The following POGLUT2 variants were observed in gnomAD, a reference collection of about 807,000 sequenced individuals.
POGLUT2 encodes protein O-glucosyltransferase 2.
POGLUT2 carries 47 observed loss-of-function variants against 57.6 expected under a neutral mutation model. That is an observed-to-expected ratio of 0.82 (90% confidence interval 0.65 to 1.04). The LOEUF is 1.04. POGLUT2 is among the 50% of genes least tolerant of loss of function. The pLI is 0.00. For synonymous variants in POGLUT2, 200 were observed against 218.8 expected, an observed-to-expected ratio of 0.91 and a Z score of 0.76; for missense variants, 565 against 614.8, an observed-to-expected ratio of 0.92 and a Z score of 0.86.
intron 2 of POGLUT2, among the ~76,000 whole-genome samples, chr13:102,795,424 A>C (rs535388600): frequency 6.6e-6 from 1 of 151,984 alleles, no homozygotes; most frequent in African/African-American, 2.4e-5. Flanking sequence ...TTAGTGGGGC[A>C]TGGTGGTGAG....
At chr13:102,787,773 T>G (rs1878008513) in intron 8 of POGLUT2, 61 bp downstream of exon 8, 1 of 847,942 alleles carries the variant, frequency 1.2e-6, no homozygotes, top group African/African-American at 1.7e-5. Context: ...AAGTAAAATA[T>G]TATTTGTTCT....
chr13:102,788,543 A>T (rs1055151303), intron 7 of POGLUT2, among the ~76,000 whole-genome samples: 1 of 151,982 alleles, frequency 6.6e-6, no homozygotes, highest in Non-Finnish European at 1.5e-5. Flanking sequence ...CTGGAGTGCA[A>T]TGGTGTGGTC....
At chr13:102,795,636 A>AT (rs1219174875) in intron 2 of POGLUT2, among the ~76,000 whole-genome samples, 1 of 152,202 alleles carries the variant, frequency 6.6e-6, no homozygotes, top group Non-Finnish European at 1.5e-5. Context: ...TAACAAATTA[A>AT]TTACAGTCTG....
rs770678715 is a variant in POGLUT2, at chr13:102,797,443, T to G, written c.183-434A>C. Among the ~76,000 whole-genome samples the G allele has an allele frequency of 2.0e-4, 31 of 152,312 alleles. 1 individual carries two copies. The highest frequency in any genetic ancestry group is 1.6e-3 in the Admixed American group (25 of 15,302). ...ACAATATCAGTATTATAAATCACGC[T>G]CAGGCCTGGCACTGTGGCCCATGCC... On this transcript the variant is annotated intron_variant, in intron 1 of 9. Coordinates refer to ENST00000376004, the MANE Select transcript of POGLUT2 (RefSeq NM_024089.3).
In POGLUT2 at chr13:102,793,679, T is replaced by G. The variant is rs777133853; in HGVS notation, c.516A>C (p.Pro172=). 8 of 1,614,218 alleles carry G rather than the reference T, an allele frequency of 5.0e-6. No individual in the cohort carries two copies. Among genetic ancestry groups the G allele is most frequent in the Admixed American group, 1.7e-5 (1 of 60,032 alleles). ...TTGGGATTTCTACTGCAATCTTTTC[T>G]GGATCCACAGCAGGGAAATGTGCCA... ...RDLAHFPAVD[P]EKIAVEIPKR... is the part of the protein sequence containing the mutation. The change falls in exon 3 of 10, where the codon CCA becomes CCC. Residue 172 remains proline (P), a synonymous_variant. Transcript: ENST00000376004.
At chr13:102,797,501 G>A (rs1878457783) in intron 1 of POGLUT2, among the ~76,000 whole-genome samples, 1 of 152,038 alleles carries the variant, frequency 6.6e-6, no homozygotes, top group Non-Finnish European at 1.5e-5. Context: ...GCCAAGGAGG[G>A]AAGACTGCTT....
intron 6 of POGLUT2, among the ~76,000 whole-genome samples, chr13:102,790,497 C>G (rs1566436531): frequency 6.6e-6 from 1 of 152,348 alleles, no homozygotes; most frequent in South Asian, 2.1e-4. Flanking sequence ...TCACGTCATT[C>G]CCCACCAGAA....
At chr13:102,790,738 G>A (rs1044908050) in intron 6 of POGLUT2, among the ~76,000 whole-genome samples, 163 bp downstream of exon 6, 6 of 152,062 alleles carry the variant, frequency 3.9e-5, no homozygotes, top group Non-Finnish European at 8.8e-5. Context: ...GCAGACCCTG[G>A]TTGCCAAAAC....
At position 102,795,035 on chromosome 13, in the gene POGLUT2, C is replaced by T. The variant is rs573552479; in HGVS notation, c.389-1229G>A. Among the ~76,000 whole-genome samples, 190 of 150,172 alleles carry T rather than the reference C, an allele frequency of 1.3e-3. 2 individuals carry two copies. Among genetic ancestry groups the T allele is most frequent in the African/African-American group, 4.5e-3 (183 of 40,832 alleles). On this transcript the variant is annotated intron_variant, in intron 2 of 9. Transcript: ENST00000376004. ...TTGGGAGGCTGAGGCGGGCGGATCA[C>T]GAGGTCAGGAGATCGAGACCATCCT...
Position 102,793,761 on chromosome 13 carries a change from G to A in POGLUT2, c.434C>T (p.Ala145Val), listed in dbSNP as rs1315821856. 1 of 1,614,200 alleles carries A rather than the reference G, an allele frequency of 6.2e-7. No individual in the cohort carries two copies. The highest frequency in any genetic ancestry group is 2.2e-5 in the East Asian group (1 of 44,886). ...ENCDCPLQDSAAWLREMNCPE... is the reference protein window; with the variant it reads ...ENCDCPLQDSVAWLREMNCPE... ...GCAGTTCATCTCCCGTAGCCAGGCT[G>A]CACTATCTTGCAGAGGACAGTCACA... The change falls in exon 3 of 10, where the codon GCA (alanine) becomes GTA (valine). Residue 145 changes from alanine (A) to valine (V), a missense_variant. Physicochemically the swap from Ala to Val is moderately conservative, Grantham distance 64. Coordinates refer to ENST00000376004, the MANE Select transcript of POGLUT2 (RefSeq NM_024089.3).
chr13:102,797,565 AAATAAT>A (rs199683083), intron 1 of POGLUT2, among the ~76,000 whole-genome samples: 1 of 132,508 alleles, frequency 7.5e-6, no homozygotes, highest in Non-Finnish European at 1.6e-5. Flanking sequence ...CTGTCTCTAC[AAATAAT>A]AATAATAATA....
At chr13:102,793,848 A>C (rs1249876332) in intron 2 of POGLUT2, 42 bp from the exon 3 acceptor site, 1 of 1,544,738 alleles carries the variant, frequency 6.5e-7, no homozygotes. Flanking sequence ...TGATCATTTC[A>C]CTCAGCATTC....
At chr13:102,798,304 C>T (rs190610397) in intron 1 of POGLUT2, among the ~76,000 whole-genome samples, 185 bp downstream of exon 1, 18 of 152,188 alleles carry the variant, frequency 1.2e-4, no homozygotes, top group African/African-American at 4.1e-4. Flanking sequence ...ATGTTATATA[C>T]AATACATTAT....
At chr13:102,787,626 G>A (rs1473453304) in intron 8 of POGLUT2, among the ~76,000 whole-genome samples, 1 of 152,018 alleles carries the variant, frequency 6.6e-6, no homozygotes, top group South Asian at 2.1e-4. Context: ...AATAGTTTTC[G>A]CTTAATATTG....
Position 102,796,951 on chromosome 13 carries a change from G to A in POGLUT2, c.241C>T (p.Gln81Ter), listed in dbSNP as rs1384053210. The change falls in exon 2 of 10, where the codon CAA becomes TAA. Residue 81 changes from glutamine (Q) to a stop codon, truncating the protein, a stop_gained. Transcript: ENST00000376004. LOFTEE classifies it high-confidence loss of function. ...FQVKVSAPEE[Q>*]FTRVGVQVLD... The stretch of plus-strand genomic sequence containing the variant: ...ACCTGGACTCCAACTCTAGTGAATT[G>A]CTCCTCTGGTGCTGAGACTTTCACC... 2 of 1,613,568 alleles carry A rather than the reference G, an allele frequency of 1.2e-6. No homozygotes were observed. The highest frequency in any genetic ancestry group is 1.7e-6 in the Non-Finnish European group (2 of 1,179,776).
At chr13:102,797,123 T>C (rs1314929177) in intron 1 of POGLUT2, 114 bp from the exon 2 acceptor site, 1 of 665,708 alleles carries the variant, frequency 1.5e-6, no homozygotes, top group Non-Finnish European at 2.6e-6. Flanking sequence ...TCCTCTAACA[T>C]ATGATTGCTT....
rs768860723 is a variant in POGLUT2 at position 102,786,227 on chromosome 13, G to A, written c.1491+5C>T. 22 of 1,585,884 alleles carry A rather than the reference G, an allele frequency of 1.4e-5. No homozygotes were observed. The South Asian group carries it at 2.4e-4, about 18-fold the overall frequency. ...GACACCGGCCATAAGCTCAGTTCTGGTTACCTTTTTCCTATGGCAAGTACA... is the reference window on the plus strand; with the variant it reads ...GACACCGGCCATAAGCTCAGTTCTGATTACCTTTTTCCTATGGCAAGTACA... On this transcript the variant is annotated splice_donor_5th_base_variant and intron_variant, in intron 9 of 9. Transcript: ENST00000376004.
intron 9 of POGLUT2, among the ~76,000 whole-genome samples, chr13:102,785,069 T>C (rs758389476): frequency 1.2e-4 from 19 of 152,206 alleles, no homozygotes; most frequent in Non-Finnish European, 2.1e-4. Context: ...GAGTTCACAA[T>C]GATGACGAAC....
Position 102,786,351 on chromosome 13 carries a change from AC to A in POGLUT2, c.1384-13del. 1 of 1,538,588 alleles carries A rather than the reference AC, an allele frequency of 6.5e-7. No individual in the cohort carries two copies. The highest frequency in any genetic ancestry group is 9.0e-7 in the Non-Finnish European group (1 of 1,111,034). ...AAATTGGCATATTCCTGTTTAAGCA[AC>A]AATATAAAAGCATTCCTTATAAAAC... On this transcript the variant is annotated splice_polypyrimidine_tract_variant and intron_variant, in intron 8 of 9. Coordinates refer to ENST00000376004, the MANE Select transcript of POGLUT2 (RefSeq NM_024089.3).
Sources: gnomAD v4.1 joint callset for allele counts (sites outside exome capture counted in the v4.1 genomes callset) on GRCh38, gnomAD v4.1.1 for gene constraint, MANE v1.5 for transcripts, NCBI Gene and HGNC (gene_info 2026-07-23, HGNC 2026-07-21) for gene names.